Variants in WDR77 observed in about 807,000 individuals in gnomAD.
WDR77 encodes the protein WD repeat domain 77.
WDR77 carries 31 observed loss-of-function variants against 44.0 expected under a neutral mutation model. The ratio of observed to expected loss-of-function variants is 0.70; its 90% CI spans 0.53 to 0.95. WDR77 has a LOEUF of 0.95. Ranked by LOEUF, WDR77 falls within the 40% of genes least tolerant of loss-of-function variation. WDR77 has a pLI of 0.00. For missense variants in WDR77, 390 were observed against 423.9 expected (o/e 0.92, Z 0.70); for synonymous variants, 186 against 165.7 (o/e 1.12, Z -0.94).
chr1:111,444,540 T>C (rs911691186), intron 4 of WDR77, among the ~76,000 whole-genome samples: 6 of 152,180 alleles, frequency 3.9e-5, no homozygotes, highest in Admixed American at 6.5e-5. Flanking sequence ...TTCTCTAATG[T>C]TCTCTTTCTT....
At chr1:111,447,197 A>T in intron 3 of WDR77, 53 bp from the exon 4 acceptor site, 2 of 1,603,724 alleles carry the variant, frequency 1.2e-6, no homozygotes, top group Non-Finnish European at 1.7e-6. Flanking sequence ...TATCAACATA[A>T]AAACGTGTTC....
intron 5 of WDR77, 63 bp from the exon 6 acceptor site, chr1:111,443,984 G>A: frequency 6.2e-7 from 1 of 1,613,216 alleles, no homozygotes. Flanking sequence ...AGGCCAGAAA[G>A]TCTCCCCACT....
At position 111,443,308 on chromosome 1, in the gene WDR77, G is replaced by C; in HGVS notation, c.691+15C>G. The C allele has an allele frequency of 6.4e-7, 1 of 1,551,030 alleles. No individual in the cohort carries two copies. ...CTTTCCCAGAGTCAATATGAAGTCT[G>C]ACACGCTGCCTTACCAAAGACAAAG... On this transcript the variant is annotated intron_variant, in intron 7 of 9. Coordinates refer to ENST00000235090, the MANE Select transcript of WDR77 (RefSeq NM_024102.4).
At position 111,443,879 on chromosome 1, in the gene WDR77, C is replaced by A; in HGVS notation, c.607G>T (p.Ala203Ser). 6.2e-7 allele frequency: 1 copy of A among 1,614,120 alleles called. No homozygotes were observed. Among genetic ancestry groups the A allele is most frequent in the East Asian group, 2.2e-5 (1 of 44,884 alleles). ...ATCTCAGACTCACCAATCTGTGATG[C>A]TGGCTTGGGACAGCGGGTATCCCAG... Reference protein sequence around the residue: ...LLWDTRCPKPASQIGCSAPGY... With the variant: ...LLWDTRCPKPSSQIGCSAPGY... The change falls in exon 6 of 10, where the codon GCA (alanine) becomes TCA (serine). Residue 203 changes from alanine to serine, a missense_variant. By Grantham distance (99) the Ala-to-Ser change is moderately conservative. Transcript: ENST00000235090.
intron 7 of WDR77, 70 bp from the exon 8 acceptor site, chr1:111,442,831 G>T: frequency 8.9e-7 from 1 of 1,129,424 alleles, no homozygotes; most frequent in Non-Finnish European, 1.2e-6. Flanking sequence ...TTGAATCCTA[G>T]TTCCTCGAGC....
chr1:111,448,668 A>G lies in WDR77; in HGVS notation c.252T>C (p.Ala84=). The G allele has an allele frequency of 6.2e-7, 1 of 1,614,176 alleles. No individual in the cohort carries two copies. Among genetic ancestry groups the G allele is most frequent in the Non-Finnish European group, 8.5e-7 (1 of 1,180,010 alleles). The change falls in exon 2 of 10, where the codon GCT becomes GCC. Residue 84 remains alanine (A), a synonymous_variant. Coordinates refer to ENST00000235090, the MANE Select transcript of WDR77 (RefSeq NM_024102.4). Reference sequence around the variant, plus strand: ...CTCTCTCCCCAACCCAAGTGAGGTCAGCCACTCCAGCCTCCGTTTGGACTC... The same window carrying G: ...CTCTCTCCCCAACCCAAGTGAGGTCGGCCACTCCAGCCTCCGTTTGGACTC... The part of the protein sequence containing the change: ...SAGVQTEAGV[A]DLTWVGERGI...
rs750987473 is a variant in WDR77, at chr1:111,443,940, G to GA, written c.565-20dup. On this transcript the variant is annotated intron_variant, in intron 5 of 9. Transcript: ENST00000235090. ...TATTGTCCTAGAGGAAGGTGGAACA[G>GA]AAAAAGGATTTCATAATCCAAAGGA... 1.2e-6 allele frequency: 2 copies of GA among 1,614,170 alleles called. No individual in the cohort carries two copies. Among genetic ancestry groups the GA allele is most frequent in the South Asian group, 2.2e-5 (2 of 91,086 alleles).
chr1:111,442,735 C>G lies in WDR77; in HGVS notation c.718G>C (p.Val240Leu). 2 of 1,597,870 alleles carry G rather than the reference C, an allele frequency of 1.3e-6. No individual in the cohort carries two copies. Among genetic ancestry groups the G allele is most frequent in the Non-Finnish European group, 1.7e-6 (2 of 1,168,754 alleles). Residue 240 changes from valine to leucine, a missense_variant, in exon 8 of 10, where the codon GTG becomes CTG. Transcript: ENST00000235090. ...FGDENGTVSLVDTKSTSCVLS... is the reference protein window; with the variant it reads ...FGDENGTVSLLDTKSTSCVLS... ...ACACAGCTTGTACTCTTGGTGTCCA[C>G]AAGGGAGACTGTCCCATTCTCATCA...
chr1:111,447,603 T>C (rs1234098228), intron 2 of WDR77, 27 bp from the exon 3 acceptor site: 2 of 1,613,842 alleles, frequency 1.2e-6, no homozygotes, highest in African/African-American at 1.3e-5. Context: ...AAGGAAAACA[T>C]GAGCTTGGAT....
intron 4 of WDR77, among the ~76,000 whole-genome samples, chr1:111,446,412 A>G (rs1161983363): frequency 1.3e-5 from 2 of 152,216 alleles, no homozygotes; most frequent in African/African-American, 4.8e-5. Flanking sequence ...ATGAAGGTAA[A>G]TACTCAAAAG....
chr1:111,446,694 C>T (rs963042378), intron 4 of WDR77: 2 of 167,036 alleles, frequency 1.2e-5, no homozygotes, highest in Non-Finnish European at 2.6e-5. Flanking sequence ...CTAAAAAGAA[C>T]TTAGTGGCCA....
Position 111,441,353 on chromosome 1 carries a change from A to C in WDR77, c.906T>G (p.Asp302Glu). 6.4e-7 allele frequency: 1 copy of C among 1,564,450 alleles called. No individual in the cohort carries two copies. The highest frequency in any genetic ancestry group is 8.7e-7 in the Non-Finnish European group (1 of 1,152,140). The change falls in exon 10 of 10, where the codon GAT becomes GAG. Residue 302 changes from aspartate (D) to glutamate (E), a missense_variant. Transcript: ENST00000235090. ...RSQAHRDFVR[D>E]ATWSPLNHSL... ...AGTGATTGAGCGGGGACCAAGTCGCATCTCTCACAAAGTCTCTGTGGGCTT... is the reference window on the plus strand; with the variant it reads ...AGTGATTGAGCGGGGACCAAGTCGCCTCTCTCACAAAGTCTCTGTGGGCTT...
chr1:111,443,984 G>C lies in WDR77; in HGVS notation c.565-63C>G, dbSNP rs1652918414. ...CAAAGGAGCAGTTGCAGGCCAGAAA[G>C]TCTCCCCACTAGAGACTTTGGCCTA... On this transcript the variant is annotated intron_variant, in intron 5 of 9. Coordinates refer to ENST00000235090, the MANE Select transcript of WDR77 (RefSeq NM_024102.4). 32 of 1,613,098 alleles carry C rather than the reference G, an allele frequency of 2.0e-5. No individual in the cohort carries two copies. The South Asian group carries it at 3.4e-4, about 17-fold the overall frequency.
At chr1:111,442,796 G>A in intron 7 of WDR77, 35 bp from the exon 8 acceptor site, 1 of 1,429,780 alleles carries the variant, frequency 7.0e-7, no homozygotes, top group Non-Finnish European at 9.4e-7. Context: ...TAGTGATTAA[G>A]AGCATGGACT....
At chr1:111,442,180 A>T (rs1164428054) in intron 8 of WDR77, 87 bp from the exon 9 acceptor site, 2 of 1,341,396 alleles carry the variant, frequency 1.5e-6, no homozygotes, top group Admixed American at 3.5e-5. Context: ...GCCACTGTAA[A>T]GTGACCCAGG....
intron 8 of WDR77, 89 bp from the exon 9 acceptor site, chr1:111,442,182 T>A: frequency 1.5e-6 from 2 of 1,316,576 alleles, no homozygotes; most frequent in Non-Finnish European, 2.2e-6. Context: ...CACTGTAAAG[T>A]GACCCAGGAG....
At position 111,441,345 on chromosome 1, in the gene WDR77, C is replaced by A; in HGVS notation, c.914G>T (p.Trp305Leu). The A allele has an allele frequency of 6.4e-7, 1 of 1,563,900 alleles. No homozygotes were observed. The highest frequency in any genetic ancestry group is 2.4e-5 in the East Asian group (1 of 41,980). Residue 305 changes from tryptophan (W) to leucine (L), a missense_variant, in exon 10 of 10, where the codon TGG becomes TTG. Coordinates refer to ENST00000235090, the MANE Select transcript of WDR77 (RefSeq NM_024102.4). ...AHRDFVRDAT[W>L]SPLNHSLLTT... is the part of the protein sequence containing the mutation. ...AAGCAGGGAGTGATTGAGCGGGGAC[C>A]AAGTCGCATCTCTCACAAAGTCTCT...
intron 4 of WDR77, among the ~76,000 whole-genome samples, chr1:111,444,908 T>C (rs537611136): frequency 6.6e-6 from 1 of 152,372 alleles, no homozygotes; most frequent in East Asian, 1.9e-4. Flanking sequence ...AGTCAGACTT[T>C]TTCTGACAGA....
At chr1:111,443,196 A>C (rs917889405) in intron 7 of WDR77, 127 bp downstream of exon 7, 1 of 830,294 alleles carries the variant, frequency 1.2e-6, no homozygotes, top group Non-Finnish European at 1.8e-6. Flanking sequence ...CCCTCAATTC[A>C]TAATTCATCT....
Sources: allele counts gnomAD v4.1 joint callset (sites outside exome capture counted in the v4.1 genomes callset), GRCh38; gene constraint gnomAD v4.1.1; transcripts MANE v1.5; gene names NCBI Gene and HGNC (gene_info 2026-07-23, HGNC 2026-07-21).